PHF14: variants seen among roughly 807,000 people sequenced by gnomAD.
PHF14 encodes the protein PHD finger protein 14.
A neutral mutation model predicts 117.9 loss-of-function variants in PHF14; 55 were observed. The observed-to-expected ratio is 0.47, with a 90% CI of 0.38 to 0.58. The LOEUF (loss-of-function observed/expected upper bound fraction) is 0.58, where lower values mean the gene tolerates loss of function less well. Among genes scored for constraint, PHF14 ranks in the 20% least tolerant of loss-of-function variants. PHF14 has a pLI of 0.00. For synonymous variants in PHF14, 409 were observed against 368.6 expected (o/e 1.11, Z -1.26); for missense variants, 978 against 1,122.2 (o/e 0.87, Z 1.84).
At chr7:10,995,694 C>T (rs749852279) in intron 4 of PHF14, among the ~76,000 whole-genome samples, 16 of 152,214 alleles carry the variant, frequency 1.1e-4, no homozygotes, top group Non-Finnish European at 2.1e-4. Flanking sequence ...GAGCCCTGCC[C>T]CGCAGGGAGG....
At chr7:11,090,980 G>T (rs1307764526) in intron 16 of PHF14, among the ~76,000 whole-genome samples, 1 of 152,202 alleles carries the variant, frequency 6.6e-6, no homozygotes, top group Non-Finnish European at 1.5e-5. Flanking sequence ...TGTGATGTAG[G>T]TTTAAGAGAA....
At chr7:11,044,517 C>T (rs1784604797) in intron 13 of PHF14, among the ~76,000 whole-genome samples, 1 of 152,066 alleles carries the variant, frequency 6.6e-6, no homozygotes, top group Admixed American at 6.6e-5. Context: ...CCTTTGGCCT[C>T]TAAGATCAAC....
At chr7:11,015,936 G>C (rs1783519273) in intron 5 of PHF14, among the ~76,000 whole-genome samples, 1 of 151,740 alleles carries the variant, frequency 6.6e-6, no homozygotes, top group Non-Finnish European at 1.5e-5. Context: ...TTTTAGGGAA[G>C]AGAATTTATT....
At chr7:11,152,644 T>C (rs1263914141) in intron 17 of PHF14, among the ~76,000 whole-genome samples, 1 of 150,586 alleles carries the variant, frequency 6.6e-6, no homozygotes, top group Non-Finnish European at 1.5e-5. Context: ...CTTATAAGGA[T>C]ATCGTAATAA....
rs749602680 is a variant in PHF14 at position 11,036,472 on chromosome 7, T to C, written c.1657T>C (p.Ser553Pro). ...QYRAKAELAR[S>P]TRPQAWVPRE... is the part of the protein sequence containing the mutation. ...TCGTGCCAAAGCAGAACTAGCTCGA[T>C]CTACCAGACCCCAGGCCTGGGTTCC... The change falls in exon 9 of 18, where the codon TCT becomes CCT. Residue 553 changes from serine (S) to proline (P), a missense_variant. Physicochemically the swap from Ser to Pro is moderately conservative, Grantham distance 74. Around this residue, in one of 7 missense-constraint regions of PHF14, gnomAD observed 237 missense variants for 276.4 expected, o/e 0.86. Transcript: ENST00000634607. 1 of 1,613,804 alleles carries C rather than the reference T, an allele frequency of 6.2e-7. No individual in the cohort carries two copies. The highest frequency in any genetic ancestry group is 1.1e-5 in the South Asian group (1 of 91,076).
intron 17 of PHF14, among the ~76,000 whole-genome samples, chr7:11,137,557 CATT>C (rs1276237704): frequency 1.4e-5 from 2 of 145,690 alleles, no homozygotes; most frequent in East Asian, 4.0e-4. Flanking sequence ...TAAAGTTAAA[CATT>C]AATCACTTTT....
chr7:11,122,440 T>TACATATATATAC (rs1562476591), intron 17 of PHF14, among the ~76,000 whole-genome samples: 1 of 124,710 alleles, frequency 8.0e-6, no homozygotes, highest in Admixed American at 7.9e-5. Flanking sequence ...TATATATATA[T>TACATATATATAC]ACGTATATAT....
At chr7:11,103,318 T>A in intron 16 of PHF14, 1 of 884,972 alleles carries the variant, frequency 1.1e-6, no homozygotes, top group Non-Finnish European at 1.4e-6. Context: ...AATATAAGCT[T>A]TCTGTGTTCA....
chr7:11,041,259 A>G (rs890377960), intron 12 of PHF14, among the ~76,000 whole-genome samples: 1 of 151,894 alleles, frequency 6.6e-6, no homozygotes, highest in South Asian at 2.1e-4. Context: ...CTTTGTTCGC[A>G]TAAGTATTTT....
In PHF14 at chr7:11,119,027, T is replaced by G. The variant is rs535570150; in HGVS notation, c.2772+7560T>G. Among the ~76,000 whole-genome samples, 14 of 152,000 alleles carry G rather than the reference T, an allele frequency of 9.2e-5. No individual in the cohort carries two copies. In the South Asian group the frequency reaches 2.7e-3, roughly 29 times the overall value. On this transcript the variant is annotated intron_variant, in intron 17 of 17. Coordinates refer to ENST00000634607, the MANE Select transcript of PHF14 (RefSeq NM_001007157.2). ...TGAAAAACTAAGCCACTTTCTAAAT[T>G]ACGCTTACTACAAACTTGAAAAACT...
intron 4 of PHF14, among the ~76,000 whole-genome samples, chr7:11,002,838 G>A (rs921690285): frequency 6.6e-6 from 1 of 152,228 alleles, no homozygotes; most frequent in African/African-American, 2.4e-5. Context: ...AATTAACGGT[G>A]TGAGCACCAA....
intron 17 of PHF14, 80 bp downstream of exon 17, chr7:11,111,547 T>A: frequency 3.0e-6 from 2 of 677,802 alleles, no homozygotes; most frequent in East Asian, 2.8e-5. Flanking sequence ...TTAGCTTCTT[T>A]AAAGATAATT....
intron 16 of PHF14, chr7:11,110,446 T>C: frequency 2.6e-6 from 1 of 390,400 alleles, no homozygotes; most frequent in Non-Finnish European, 3.5e-6. Flanking sequence ...TGTTAAATTT[T>C]GGTCTTGTTA....
intron 4 of PHF14, chr7:11,006,370 A>G (rs1237065067): frequency 4.1e-6 from 2 of 490,980 alleles, no homozygotes; most frequent in African/African-American, 2.0e-5. Flanking sequence ...ACATACACAT[A>G]TATTTAGAAT....
At chr7:11,071,131 G>C (rs1785600760) in intron 16 of PHF14, 1 of 357,022 alleles carries the variant, frequency 2.8e-6, no homozygotes, top group African/African-American at 2.1e-5. Flanking sequence ...TCACTTGCCA[G>C]CTTTGTAATT....
intron 17 of PHF14, among the ~76,000 whole-genome samples, chr7:11,162,481 C>G (rs1469698318): frequency 6.6e-6 from 1 of 151,954 alleles, no homozygotes; most frequent in Non-Finnish European, 1.5e-5. Context: ...GGGATTGTGC[C>G]CATTAAGAGT....
At chr7:11,018,278 TG>T (rs898143467) in intron 5 of PHF14, among the ~76,000 whole-genome samples, 1 of 152,190 alleles carries the variant, frequency 6.6e-6, no homozygotes, top group Non-Finnish European at 1.5e-5. Flanking sequence ...TTTCTATTTC[TG>T]TGAAGAATGT....
intron 16 of PHF14, among the ~76,000 whole-genome samples, chr7:11,093,176 G>C (rs917994535): frequency 6.6e-6 from 1 of 152,138 alleles, no homozygotes; most frequent in Non-Finnish European, 1.5e-5. Context: ...ATATATTTCT[G>C]CTAATGATTT....
At chr7:11,063,469 A>C in intron 16 of PHF14, 2 of 981,726 alleles carry the variant, frequency 2.0e-6, no homozygotes, top group Non-Finnish European at 2.4e-6. Flanking sequence ...TAATTCAGGA[A>C]AATTCCCTTG....
Sources: allele counts gnomAD v4.1 joint callset (sites outside exome capture counted in the v4.1 genomes callset), GRCh38; gene constraint gnomAD v4.1.1; regional missense constraint gnomAD v4.1.1; transcripts MANE v1.5; gene names NCBI Gene and HGNC (gene_info 2026-07-23, HGNC 2026-07-21).